SH3D19: variants seen among roughly 807,000 people sequenced by gnomAD.
SH3D19 encodes SH3 domain-containing protein 19.
A neutral mutation model predicts 112.1 loss-of-function variants in SH3D19; 58 were observed. That is an observed-to-expected ratio of 0.52 (90% confidence interval 0.42 to 0.64). The LOEUF (loss-of-function observed/expected upper bound fraction) is 0.64. SH3D19 is among the 30% of genes least tolerant of loss of function. The pLI, the probability that SH3D19 is intolerant of heterozygous loss-of-function variation, is 0.00. For missense variants in SH3D19, 1,090 were observed against 1,263.4 expected (o/e 0.86, Z 2.08); for synonymous variants, 391 against 448.5 (o/e 0.87, Z 1.62).
At chr4:151,301,904 A>ATTAT (rs749917856) in intron 1 of SH3D19, among the ~76,000 whole-genome samples, 2 of 152,188 alleles carry the variant, frequency 1.3e-5, no homozygotes, top group Non-Finnish European at 2.9e-5. Context: ...TCTAGTGACT[A>ATTAT]TTATTTGCAA....
At chr4:151,137,987 A>T in intron 13 of SH3D19, 125 bp from the exon 14 acceptor site, 1 of 655,564 alleles carries the variant, frequency 1.5e-6, no homozygotes, top group Non-Finnish European at 2.3e-6. Flanking sequence ...AGAACAGATT[A>T]TACTAATCAA....
chr4:151,310,266 C>T (rs77765978), intron 1 of SH3D19, among the ~76,000 whole-genome samples: 2,651 of 150,866 alleles, frequency 0.018, 92 homozygotes, highest in East Asian at 0.097. Context: ...CCCAGCTACT[C>T]GGGAGGCTGA....
intron 9 of SH3D19, among the ~76,000 whole-genome samples, chr4:151,150,140 A>G (rs1754663745): frequency 1.5e-5 from 2 of 129,668 alleles, no homozygotes; most frequent in Admixed American, 9.2e-5. Flanking sequence ...AGCCGAGATC[A>G]TGCCACTGCA....
intron 1 of SH3D19, among the ~76,000 whole-genome samples, chr4:151,277,608 C>A (rs1223667060): frequency 1.3e-5 from 2 of 152,168 alleles, no homozygotes; most frequent in Admixed American, 6.5e-5. Flanking sequence ...TTGAGCAGAA[C>A]TGAAGGGGAT....
At chr4:151,164,935 G>A (rs940929312) in intron 8 of SH3D19, among the ~76,000 whole-genome samples, 2 of 152,036 alleles carry the variant, frequency 1.3e-5, no homozygotes, top group African/African-American at 4.8e-5. Context: ...GCTCTTCACC[G>A]AATTCACACA....
intron 1 of SH3D19, among the ~76,000 whole-genome samples, chr4:151,313,635 C>A (rs1353391787): frequency 6.6e-6 from 1 of 152,066 alleles, no homozygotes; most frequent in Non-Finnish European, 1.5e-5. Flanking sequence ...CCAGGCTGTG[C>A]ACATTTTAAA....
At chr4:151,271,908 G>C (rs1001755903) in intron 1 of SH3D19, among the ~76,000 whole-genome samples, 1 of 152,124 alleles carries the variant, frequency 6.6e-6, no homozygotes, top group Non-Finnish European at 1.5e-5. Context: ...TATGGCAGAG[G>C]TATTTAAAGA....
intron 1 of SH3D19, among the ~76,000 whole-genome samples, chr4:151,229,749 C>T (rs72967534): frequency 0.038 from 5,821 of 152,164 alleles, 328 homozygotes; most frequent in African/African-American, 0.13. Context: ...CGCATCTCTA[C>T]CAAAAGTACA....
chr4:151,195,386 A>G (rs1763292360), intron 2 of SH3D19, among the ~76,000 whole-genome samples: 1 of 146,242 alleles, frequency 6.8e-6, no homozygotes, highest in Non-Finnish European at 1.5e-5. Flanking sequence ...AAAAAAAAAA[A>G]AAAAAAAAAA....
At chr4:151,165,340 A>T (rs1757820841) in intron 8 of SH3D19, among the ~76,000 whole-genome samples, 1 of 152,076 alleles carries the variant, frequency 6.6e-6, no homozygotes, top group Admixed American at 6.6e-5. Context: ...TGACTCCCAA[A>T]AAAAAGAGGA....
intron 9 of SH3D19, among the ~76,000 whole-genome samples, chr4:151,150,320 T>C (rs546584404): frequency 7.9e-5 from 11 of 139,666 alleles, no homozygotes; most frequent in African/African-American, 1.1e-4. Flanking sequence ...CATATATATA[T>C]ACATATATAT....
In SH3D19 at chr4:151,175,203, G is replaced by A. The variant is rs780951690; in HGVS notation, c.1001C>T (p.Ser334Phe). ...PKPTVSSGKPSVAPKPAANRA... is the reference protein window; with the variant it reads ...PKPTVSSGKPFVAPKPAANRA... The stretch of plus-strand genomic sequence containing the variant: ...GTTAGCAGCTGGTTTGGGAGCTACA[G>A]AAGGTTTCCCTGAGGAAACAGTAGG... The change falls in exon 7 of 20, where the codon TCT becomes TTT. Residue 334 changes from serine (S) to phenylalanine (F), a missense_variant. By Grantham distance (155) the Ser-to-Phe change is radical (BLOSUM62 -2). Coordinates refer to ENST00000604030, the MANE Select transcript of SH3D19 (RefSeq NM_001378122.1). 3 of 1,614,048 alleles carry A rather than the reference G, an allele frequency of 1.9e-6. No individual in the cohort carries two copies. In the Admixed American group the frequency reaches 5.0e-5, roughly 27 times the overall value.
At chr4:151,190,124 T>C (rs1334604419) in intron 2 of SH3D19, among the ~76,000 whole-genome samples, 2 of 152,186 alleles carry the variant, frequency 1.3e-5, no homozygotes, top group Non-Finnish European at 2.9e-5. Context: ...TAGAGATTTG[T>C]GGAACTCTGA....
At position 151,215,314 on chromosome 4, in the gene SH3D19, G is replaced by A. The variant is rs192343295; in HGVS notation, c.152+10733C>T. Among the ~76,000 whole-genome samples the A allele has an allele frequency of 1.8e-4, 28 of 152,304 alleles. No homozygotes were observed. In the East Asian group the frequency reaches 2.7e-3, roughly 15 times the overall value. ...AATCCATGACCAAGAGAAACTACTG[G>A]GCAATAGATAGTGATACACTTTAAG... On this transcript the variant is annotated intron_variant, in intron 2 of 19. Transcript: ENST00000604030.
intron 2 of SH3D19, among the ~76,000 whole-genome samples, chr4:151,219,287 C>T (rs1241537879): frequency 6.6e-6 from 1 of 152,172 alleles, no homozygotes. Context: ...ATTAGGTCAA[C>T]TTAGCTATAA....
At chr4:151,237,450 C>T (rs1475781235) in intron 1 of SH3D19, among the ~76,000 whole-genome samples, 2 of 152,174 alleles carry the variant, frequency 1.3e-5, no homozygotes, top group Non-Finnish European at 2.9e-5. Flanking sequence ...CTGGGGTGTG[C>T]CTGCAGTGGA....
At chr4:151,236,267 G>A (rs1770033090) in intron 1 of SH3D19, among the ~76,000 whole-genome samples, 1 of 152,274 alleles carries the variant, frequency 6.6e-6, no homozygotes, top group Non-Finnish European at 1.5e-5. Context: ...GCTGCGCCCG[G>A]GGCTTGCGGG....
intron 2 of SH3D19, among the ~76,000 whole-genome samples, chr4:151,222,766 G>A (rs1042146480): frequency 4.3e-5 from 6 of 139,154 alleles, no homozygotes; most frequent in South Asian, 2.4e-4. Flanking sequence ...TCTGCCTCCC[G>A]GGTTCAAGTA....
At chr4:151,188,748 G>C (rs773467451) in intron 2 of SH3D19, among the ~76,000 whole-genome samples, 62 of 152,178 alleles carry the variant, frequency 4.1e-4, no homozygotes, top group Non-Finnish European at 8.1e-4. Context: ...TGATTGGGGT[G>C]GAACACGGAA....
Sources: allele counts gnomAD v4.1 joint callset (sites outside exome capture counted in the v4.1 genomes callset), GRCh38; gene constraint gnomAD v4.1.1; transcripts MANE v1.5; gene names NCBI Gene and HGNC (gene_info 2026-07-23, HGNC 2026-07-21).